The following OVOL3 variants were observed in gnomAD, a reference collection of about 807,000 sequenced individuals.
OVOL3 encodes the protein ovo like zinc finger 3.
OVOL3 carries 15 observed loss-of-function variants against 13.6 expected under a neutral mutation model. The observed-to-expected ratio is 1.11, with a 90% CI of 0.74 to 1.70. The LOEUF is 1.70. Ranked by LOEUF, OVOL3 falls within the 40% of genes most tolerant of loss-of-function variation. OVOL3 has a pLI of 0.00. For missense variants in OVOL3, 290 were observed against 280.6 expected, an observed-to-expected ratio of 1.03 and a Z score of -0.24; for synonymous variants, 102 against 108.5, an observed-to-expected ratio of 0.94 and a Z score of 0.37.
intron 1 of OVOL3, 27 bp downstream of exon 1, chr19:36,111,323 A>G (rs1262830719): frequency 2.0e-5 from 31 of 1,535,520 alleles, no homozygotes; most frequent in Non-Finnish European, 2.5e-5. Flanking sequence ...GCCTGGAGGT[A>G]AGGGGCAGGA....
At position 36,111,175 on chromosome 19, in the gene OVOL3, C is replaced by T. The variant is rs1973804641; in HGVS notation, c.-28C>T. 3 of 1,511,962 alleles carry T rather than the reference C, an allele frequency of 2.0e-6. No individual in the cohort carries two copies. Among genetic ancestry groups the T allele is most frequent in the African/African-American group, 1.4e-5 (1 of 72,502 alleles). 93.7% of individuals were successfully genotyped at this position (1,511,962 alleles called of 1,614,324 possible). On this transcript the variant is annotated 5_prime_UTR_variant, in exon 1 of 4. Coordinates refer to ENST00000633214, the MANE Select transcript of OVOL3 (RefSeq NM_001302757.2). ...GGTCTGACAGCAGGTGGAAGCAGCC[C>T]CTGTGTGTGGAGAGCCTTCCGGAGG...
At position 36,112,757 on chromosome 19, in the gene OVOL3, C is replaced by CA. The variant is rs1302719286; in HGVS notation, c.160-2dup. ...GAGGCTAATAACTCCTGCATCCCTC[C>CA]AGCAGCCCACACAGGGCAACCTGAC... On this transcript the variant is annotated splice_region_variant and splice_polypyrimidine_tract_variant and intron_variant, in intron 2 of 3. Coordinates refer to ENST00000633214, the MANE Select transcript of OVOL3 (RefSeq NM_001302757.2). The CA allele has an allele frequency of 6.5e-7, 1 of 1,532,890 alleles. No individual in the cohort carries two copies. The highest frequency in any genetic ancestry group is 8.7e-7 in the Non-Finnish European group (1 of 1,145,736). 95.0% of individuals were successfully genotyped at this position (1,532,890 alleles called of 1,614,324 possible).
In OVOL3 at chr19:36,113,463, CT is replaced by C. The variant is rs1568379512; in HGVS notation, c.377del (p.Phe126SerfsTer?). The C allele has an allele frequency of 6.5e-7, 1 of 1,535,112 alleles. No individual in the cohort carries two copies. The highest frequency in any genetic ancestry group is 2.0e-5 in the Admixed American group (1 of 50,982). ...CGCCCATCTGTGCAGGGATCCGGCC[CT>C]TCCGCTGCAGTGCTTGCGGGAAAGC... ...HMRTHTGIRP[F>X]RCSACGKAFT... On this transcript the variant is annotated frameshift_variant, in exon 4 of 4. Transcript: ENST00000633214. LOFTEE classifies it high-confidence loss of function.
Position 36,113,536 on chromosome 19 carries a change from G to A in OVOL3, c.448G>A (p.Gly150Arg), listed in dbSNP as rs1189947414. 4 of 1,536,344 alleles carry A rather than the reference G, an allele frequency of 2.6e-6. No homozygotes were observed. Among genetic ancestry groups the A allele is most frequent in the African/African-American group, 1.4e-5 (1 of 73,172 alleles). The change falls in exon 4 of 4, where the codon GGA becomes AGA. Residue 150 changes from glycine to arginine, a missense_variant. By Grantham distance (125) the Gly-to-Arg change is moderately radical (BLOSUM62 -2). Transcript: ENST00000633214. ...GGAAGCTCACCTTGCTAAGGTGCAT[G>A]GACAGCCGGCCAGCTACGCTTACCG... ...SLEAHLAKVH[G>R]QPASYAYRER... is the part of the protein sequence containing the mutation.
intron 3 of OVOL3, 91 bp downstream of exon 3, chr19:36,113,055 G>A: frequency 7.4e-7 from 1 of 1,345,898 alleles, no homozygotes; most frequent in Non-Finnish European, 1.0e-6. Context: ...GAGTGTCCAT[G>A]GTTTGTGTAT....
chr19:36,111,210 G>A lies in OVOL3; in HGVS notation c.8G>A (p.Arg3His), dbSNP rs746779875. The change falls in exon 1 of 4, where the codon CGC becomes CAC. Residue 3 changes from arginine to histidine, a missense_variant. By Grantham distance (29) the Arg-to-His change is conservative (BLOSUM62 0). Transcript: ENST00000633214. Reference sequence around the variant, plus strand: ...GAGAGCCTTCCGGAGGGCATGCCCCGCGCCTTCCTGGTCAGGAGTCGGCGT... The same window carrying A: ...GAGAGCCTTCCGGAGGGCATGCCCCACGCCTTCCTGGTCAGGAGTCGGCGT... MP[R>H]AFLVRSRRPQ... 9.2e-5 allele frequency: 141 copies of A among 1,534,054 alleles called. No individual in the cohort carries two copies. The highest frequency in any genetic ancestry group is 3.5e-4 in the Admixed American group (18 of 50,914).
intron 1 of OVOL3, 32 bp downstream of exon 1, chr19:36,111,328 G>A: frequency 6.5e-7 from 1 of 1,535,618 alleles, no homozygotes; most frequent in Non-Finnish European, 8.7e-7. Context: ...GAGGTAAGGG[G>A]CAGGAGAGAC....
chr19:36,112,208 C>G (rs952773534), intron 2 of OVOL3, among the ~76,000 whole-genome samples: 2 of 151,404 alleles, frequency 1.3e-5, no homozygotes, highest in African/African-American at 4.9e-5. Flanking sequence ...TCCATCCCCC[C>G]TCAAAAAAAA....
intron 2 of OVOL3, chr19:36,111,646 C>T (rs1231328528): frequency 4.4e-6 from 3 of 689,112 alleles, no homozygotes; most frequent in African/African-American, 1.8e-5. Flanking sequence ...CCAGGGCCGG[C>T]AGCCACAGGG....
chr19:36,111,336 G>T (rs1290761920), intron 1 of OVOL3, 33 bp from the exon 2 acceptor site: 5 of 1,535,478 alleles, frequency 3.3e-6, no homozygotes, highest in Non-Finnish European at 2.6e-6. Context: ...GGGCAGGAGA[G>T]ACGCAGTGTC....
rs750302233 is a variant in OVOL3, at chr19:36,111,519, C to T, written c.159+86C>T. On this transcript the variant is annotated intron_variant, in intron 2 of 3. Transcript: ENST00000633214. ...TGAAGCTGACAGCCCCTTGCTCCCC[C>T]GACCCATCTGCACACGCCCTCCAGC... 65 of 1,372,064 alleles carry T rather than the reference C, an allele frequency of 4.7e-5. 1 individual carries two copies. Among genetic ancestry groups the T allele is most frequent in the Non-Finnish European group, 5.9e-5 (59 of 997,996 alleles). 85.0% of individuals were successfully genotyped at this position (1,372,064 alleles called of 1,614,324 possible).
At chr19:36,113,330 G>A (rs1973870744) in intron 3 of OVOL3, 123 bp from the exon 4 acceptor site, 1 of 1,004,196 alleles carries the variant, frequency 1.0e-6, no homozygotes, top group Non-Finnish European at 1.5e-6. Context: ...ATGGGCGGAA[G>A]AGTCTGAAGA....
intron 2 of OVOL3, chr19:36,111,673 C>T (rs1259825837): frequency 1.0e-5 from 7 of 667,858 alleles, no homozygotes; most frequent in Non-Finnish European, 1.9e-5. Context: ...TCCAGCGGGG[C>T]ACAAGATTCA....
chr19:36,113,627 AC>A lies in OVOL3; in HGVS notation c.540del (p.Tyr180Ter). 1 of 1,545,918 alleles carries A rather than the reference AC, an allele frequency of 6.5e-7. No homozygotes were observed. Among genetic ancestry groups the A allele is most frequent in the Non-Finnish European group, 8.7e-7 (1 of 1,146,858 alleles). On this transcript the variant is annotated frameshift_variant, in exon 4 of 4. Coordinates refer to ENST00000633214, the MANE Select transcript of OVOL3 (RefSeq NM_001302757.2). LOFTEE classifies it high-confidence loss of function. ...TTCACCAGCTCCCGGCCCGACACCT[AC>A]GCACAGCACCGCGCCCTGCACCGCG... ...CGFTSSRPDT[Y>X]AQHRALHRAA
chr19:36,111,165 G>A lies in OVOL3; in HGVS notation c.-38G>A, dbSNP rs1251396743. On this transcript the variant is annotated 5_prime_UTR_variant, in exon 1 of 4. Transcript: ENST00000633214. ...CTGGGGCTGAGGTCTGACAGCAGGT[G>A]GAAGCAGCCCCTGTGTGTGGAGAGC... 3.4e-6 allele frequency: 5 copies of A among 1,487,380 alleles called. No homozygotes were observed. The highest frequency in any genetic ancestry group is 2.5e-5 in the East Asian group (1 of 40,182). The allele number at this position is 1,487,380 out of a possible 1,614,324, so 92.1% of individuals were successfully genotyped here. A position where few individuals can be genotyped will look rare whatever the true frequency, so the allele number is the denominator to read the frequency against.
chr19:36,112,837 C>A lies in OVOL3; in HGVS notation c.237C>A (p.Phe79Leu), dbSNP rs1342618832. 1 of 1,536,012 alleles carries A rather than the reference C, an allele frequency of 6.5e-7. No homozygotes were observed. Among genetic ancestry groups the A allele is most frequent in the East Asian group, 2.4e-5 (1 of 40,922 alleles). Residue 79 changes from phenylalanine (F) to leucine (L), a missense_variant, in exon 3 of 4, where the codon TTC (phenylalanine) becomes TTA (leucine). Physicochemically the swap from Phe to Leu is conservative, Grantham distance 22 (BLOSUM62 0). Transcript: ENST00000633214. ...TLGCPLCPKA[F>L]PLQRMLTRHL... ...GCTGCCCGCTCTGCCCTAAGGCCTT[C>A]CCTCTGCAGCGCATGCTGACAAGGC...
Position 36,111,441 on chromosome 19 carries a change from T to G in OVOL3, c.159+8T>G. ...AGGGATCCGTGGACAGCGGTGAGTG[T>G]GTAACTGGCTAGCAAAGCCAGCTGT... is the stretch of plus-strand genomic sequence containing the variant. On this transcript the variant is annotated splice_region_variant and intron_variant, in intron 2 of 3. Coordinates refer to ENST00000633214, the MANE Select transcript of OVOL3 (RefSeq NM_001302757.2). 6.5e-7 allele frequency: 1 copy of G among 1,535,716 alleles called. No individual in the cohort carries two copies. Among genetic ancestry groups the G allele is most frequent in the Admixed American group, 2.0e-5 (1 of 50,980 alleles).
At chr19:36,111,320 G>A (rs1344789801) in intron 1 of OVOL3, 24 bp downstream of exon 1, 4 of 1,535,662 alleles carry the variant, frequency 2.6e-6, no homozygotes, top group Admixed American at 2.0e-5. Context: ...TGTGCCTGGA[G>A]GTAAGGGGCA....
chr19:36,111,694 T>G (rs1368796566), intron 2 of OVOL3: 2 of 641,930 alleles, frequency 3.1e-6, no homozygotes, highest in Admixed American at 4.2e-5. Context: ...TCCCCACATG[T>G]GGATGATCCG....
Sources: allele counts gnomAD v4.1 joint callset (sites outside exome capture counted in the v4.1 genomes callset), GRCh38; gene constraint gnomAD v4.1.1; transcripts MANE v1.5; gene names NCBI Gene and HGNC (gene_info 2026-07-23, HGNC 2026-07-21).